EMCN: variants seen among roughly 807,000 people sequenced by gnomAD.
The protein encoded by EMCN is endomucin, also known as MUC-14.
In EMCN, 37 loss-of-function variants were observed where a neutral mutation model predicts 38.4. The ratio of observed to expected loss-of-function variants is 0.96; its 90% CI spans 0.74 to 1.27. The LOEUF (loss-of-function observed/expected upper bound fraction) is 1.27. EMCN is among the 50% of genes most tolerant of loss of function. The pLI is 0.00. For missense variants in EMCN, 318 were observed against 302.8 expected, an observed-to-expected ratio of 1.05 and a Z score of -0.37; for synonymous variants, 95 against 100.8, an observed-to-expected ratio of 0.94 and a Z score of 0.35.
intron 3 of EMCN, among the ~76,000 whole-genome samples, chr4:100,473,383 T>TTG (rs1398545045): frequency 2.5e-5 from 3 of 119,490 alleles, no homozygotes; most frequent in African/African-American, 9.3e-5. Context: ...GTTTTTTTTT[T>TTG]TTGTTTTTTT....
chr4:100,479,075 G>A (rs558840557), intron 2 of EMCN, among the ~76,000 whole-genome samples: 8 of 152,224 alleles, frequency 5.3e-5, no homozygotes, highest in South Asian at 4.1e-4. Context: ...CAAGCCCAGC[G>A]AACTAGCTTT....
At chr4:100,453,438 C>T (rs1316339594) in intron 4 of EMCN, among the ~76,000 whole-genome samples, 1 of 152,142 alleles carries the variant, frequency 6.6e-6, no homozygotes, top group Non-Finnish European at 1.5e-5. Context: ...TCATCACTGG[C>T]CATCAGAGAA....
intron 4 of EMCN, among the ~76,000 whole-genome samples, chr4:100,459,016 G>C (rs1728094400): frequency 6.6e-6 from 1 of 150,852 alleles, no homozygotes; most frequent in Admixed American, 6.6e-5. Context: ...AAATCCACAT[G>C]AAAAAAAAAT....
intron 4 of EMCN, among the ~76,000 whole-genome samples, chr4:100,453,674 A>G (rs1352696963): frequency 6.6e-6 from 1 of 152,128 alleles, no homozygotes; most frequent in African/African-American, 2.4e-5. Flanking sequence ...ATTACTGGGT[A>G]TATACCCAAA....
intron 1 of EMCN, among the ~76,000 whole-genome samples, chr4:100,488,842 G>T (rs1481825843): frequency 6.6e-6 from 1 of 152,034 alleles, no homozygotes; most frequent in African/African-American, 2.4e-5. Flanking sequence ...TGAAAGACTA[G>T]TTATAAAGGG....
chr4:100,425,149 G>GCACACACACA (rs57293882), intron 5 of EMCN, among the ~76,000 whole-genome samples: 12,241 of 141,072 alleles, frequency 0.087, 872 homozygotes, highest in African/African-American at 0.18. Context: ...TCTGAATCCA[G>GCACACACACA]CACACACACA....
At chr4:100,411,003 G>A (rs1381669510) in intron 10 of EMCN, among the ~76,000 whole-genome samples, 1 of 152,090 alleles carries the variant, frequency 6.6e-6, no homozygotes, top group Non-Finnish European at 1.5e-5. Context: ...AGGTAGAATC[G>A]AGTATCAACA....
intron 9 of EMCN, 37 bp downstream of exon 9, chr4:100,417,080 G>A (rs774616282): frequency 1.2e-6 from 2 of 1,603,292 alleles, no homozygotes; most frequent in South Asian, 1.1e-5. Context: ...TACGTAAATG[G>A]TAGGGTCTAA....
chr4:100,406,785 G>A (rs1483154087), intron 11 of EMCN, among the ~76,000 whole-genome samples: 1 of 152,122 alleles, frequency 6.6e-6, no homozygotes, highest in Non-Finnish European at 1.5e-5. Flanking sequence ...AGATGTCTTT[G>A]TTAGTAATCT....
chr4:100,507,372 A>C (rs1463225535), intron 1 of EMCN, among the ~76,000 whole-genome samples: 3 of 152,138 alleles, frequency 2.0e-5, no homozygotes, highest in Non-Finnish European at 4.4e-5. Context: ...TACAAGCAAA[A>C]AATAATAATA....
intron 1 of EMCN, 126 bp downstream of exon 1, chr4:100,517,725 A>C: frequency 1.2e-6 from 1 of 857,928 alleles, no homozygotes; most frequent in South Asian, 1.4e-5. Flanking sequence ...ACATCCAAAC[A>C]CTCAACTCAT....
At position 100,415,923 on chromosome 4, in the gene EMCN, G is replaced by A. The variant is rs77192045; in HGVS notation, c.726C>T (p.Thr242=). The A allele has an allele frequency of 7.4e-4, 1,168 of 1,587,032 alleles. 6 individuals carry two copies. The African/African-American group carries it at 0.015, about 20-fold the overall frequency. The change falls in exon 10 of 12, where the codon ACC becomes ACT. Residue 242 remains threonine, a synonymous_variant. Transcript: ENST00000296420. ...QSDKESVKLL[T]VKTISHESGE... is the part of the protein sequence containing the mutation. ...CAGACTCATGAGAAATTGTCTTAAC[G>A]GTAAGAAGCTTCACGCTCTCTTTAT...
rs188253720 is a variant in EMCN, at chr4:100,399,623, A to G, written c.*40-1250T>C. ...AGTCGAGCACATGCCAGAGCATGGT[A>G]TAGCTTAAGTACCATGATTAGAAGG... On this transcript the variant is annotated intron_variant, in intron 11 of 11. Transcript: ENST00000296420. Among the ~76,000 whole-genome samples, 244 of 152,232 alleles carry G rather than the reference A, an allele frequency of 1.6e-3. 1 individual carries two copies. The highest frequency in any genetic ancestry group is 4.9e-3 in the African/African-American group (205 of 41,556).
At position 100,410,297 on chromosome 4, in the gene EMCN, G is replaced by A; in HGVS notation, c.*24C>T. On this transcript the variant is annotated 3_prime_UTR_variant, in exon 11 of 12. Transcript: ENST00000296420. ...GGAAACTTACGTAATTATTGCCTAGGTGTGGAGAGAATTCCTCAAGCTGTC... is the reference window on the plus strand; with the variant it reads ...GGAAACTTACGTAATTATTGCCTAGATGTGGAGAGAATTCCTCAAGCTGTC... 1 of 1,609,802 alleles carries A rather than the reference G, an allele frequency of 6.2e-7. No individual in the cohort carries two copies. Among genetic ancestry groups the A allele is most frequent in the South Asian group, 1.1e-5 (1 of 90,970 alleles).
chr4:100,438,610 T>C (rs1448107763), intron 5 of EMCN, among the ~76,000 whole-genome samples: 1 of 152,066 alleles, frequency 6.6e-6, no homozygotes, highest in Non-Finnish European at 1.5e-5. Context: ...CTAGTACTTC[T>C]GGTACTATGT....
intron 1 of EMCN, among the ~76,000 whole-genome samples, chr4:100,490,250 A>C (rs1729044009): frequency 6.6e-6 from 1 of 152,014 alleles, no homozygotes; most frequent in African/African-American, 2.4e-5. Context: ...ATTTTTGTAC[A>C]GCTGTGCAAT....
At chr4:100,416,045 G>A (rs928721621) in intron 9 of EMCN, 86 bp from the exon 10 acceptor site, 35 of 809,828 alleles carry the variant, frequency 4.3e-5, no homozygotes, top group South Asian at 2.9e-4. Flanking sequence ...ACAGAATGAC[G>A]AAGATACATA....
intron 1 of EMCN, among the ~76,000 whole-genome samples, chr4:100,502,229 G>A (rs1052435607): frequency 1.3e-5 from 2 of 152,252 alleles, no homozygotes; most frequent in South Asian, 4.1e-4. Context: ...TTATGCAAAT[G>A]GGATCTTTAC....
intron 2 of EMCN, among the ~76,000 whole-genome samples, chr4:100,477,633 T>C (rs1728696538): frequency 6.6e-6 from 1 of 152,228 alleles, no homozygotes; most frequent in Non-Finnish European, 1.5e-5. Context: ...ACCAATGATC[T>C]TTTGACCTTT....
Sources: allele counts gnomAD v4.1 joint callset (sites outside exome capture counted in the v4.1 genomes callset), GRCh38; gene constraint gnomAD v4.1.1; transcripts MANE v1.5; gene names NCBI Gene and HGNC (gene_info 2026-07-23, HGNC 2026-07-21).